Variants in YWHAZ observed in about 807,000 individuals in gnomAD.
YWHAZ encodes the protein tyrosine 3-monooxygenase/tryptophan 5-monooxygenase activation protein zeta, also known as 14-3-3 protein zeta/delta.
For missense variants in YWHAZ, 79 were observed against 284.8 expected, an observed-to-expected ratio of 0.28 and a Z score of 5.20; for synonymous variants, 87 against 103.6, an observed-to-expected ratio of 0.84 and a Z score of 0.97.
chr8:100,924,421 T>C lies in YWHAZ; in HGVS notation c.419-123A>G. On this transcript the variant is annotated intron_variant, in intron 3 of 5. Transcript: ENST00000395958. This position sits in a 1 kb window ranked among gnomAD's most constrained non-coding sequence, Gnocchi z 5.7. ...TAACCTGTAACAGCTTAATATTTGTTAATTGAACAAGGTCCTTTTTTTTTT... is the reference window on the plus strand; with the variant it reads ...TAACCTGTAACAGCTTAATATTTGTCAATTGAACAAGGTCCTTTTTTTTTT... 1 of 1,015,610 alleles carries C rather than the reference T, an allele frequency of 9.8e-7. No individual in the cohort carries two copies. Among genetic ancestry groups the C allele is most frequent in the South Asian group, 1.9e-5 (1 of 52,788 alleles). 62.9% of individuals were successfully genotyped at this position (1,015,610 alleles called of 1,614,324 possible). A position where few individuals can be genotyped will look rare whatever the true frequency, so the allele number is the denominator to read the frequency against.
chr8:100,935,628 T>A (rs1814092316), intron 2 of YWHAZ, among the ~76,000 whole-genome samples: 1 of 152,144 alleles, frequency 6.6e-6, no homozygotes, highest in Non-Finnish European at 1.5e-5. Flanking sequence ...ATGGATAAGC[T>A]CCAGGTTTCT....
At chr8:100,937,698 A>C (rs956157384) in intron 2 of YWHAZ, among the ~76,000 whole-genome samples, 6 of 152,208 alleles carry the variant, frequency 3.9e-5, no homozygotes, top group African/African-American at 1.4e-4. Context: ...ATGAAGAGAG[A>C]GACATTAGGA....
intron 2 of YWHAZ, among the ~76,000 whole-genome samples, chr8:100,929,797 A>G (rs1379706632): frequency 6.6e-6 from 1 of 152,208 alleles, no homozygotes; most frequent in Non-Finnish European, 1.5e-5. Flanking sequence ...ATAAAACCCA[A>G]TGTAGGAAGA....
At chr8:100,930,200 G>A (rs533014165) in intron 2 of YWHAZ, among the ~76,000 whole-genome samples, 1 of 152,362 alleles carries the variant, frequency 6.6e-6, no homozygotes, top group Admixed American at 6.5e-5. Flanking sequence ...CCCGGTTCAA[G>A]TGATTCTTCT....
chr8:100,944,593 T>C (rs1270949513), intron 2 of YWHAZ, among the ~76,000 whole-genome samples: 16 of 152,236 alleles, frequency 1.1e-4, no homozygotes, highest in Admixed American at 1.0e-3. Flanking sequence ...ATTTGATGGT[T>C]GGCATGGACC....
rs1812938816 is a variant in YWHAZ, at chr8:100,920,610, A to G, written c.*83T>C. The G allele has an allele frequency of 1.3e-5, 17 of 1,266,240 alleles. No homozygotes were observed. The highest frequency in any genetic ancestry group is 2.0e-5 in the Non-Finnish European group (17 of 870,086). 78.4% of individuals were successfully genotyped at this position (1,266,240 alleles called of 1,614,324 possible). ...TAAACCTGTCATAAATCGTAAACAA[A>G]AAACTATTTGTGGGACAGCATGGAT... On this transcript the variant is annotated 3_prime_UTR_variant, in exon 6 of 6. Coordinates refer to ENST00000395958, the MANE Select transcript of YWHAZ (RefSeq NM_145690.3).
chr8:100,925,569 A>G (rs961144469), intron 2 of YWHAZ, among the ~76,000 whole-genome samples: 1 of 152,220 alleles, frequency 6.6e-6, no homozygotes, highest in Non-Finnish European at 1.5e-5. Context: ...CTCACAACAG[A>G]TAAAAAAACC....
At chr8:100,953,151 T>C, upstream of YWHAZ, 1 of 985,924 alleles carries the variant, frequency 1.0e-6, no homozygotes, top group Non-Finnish European at 1.2e-6. Flanking sequence ...CCTGGCAGCC[T>C]TGACCCGGAG....
At chr8:100,951,121 C>A in intron 1 of YWHAZ, 2 of 977,668 alleles carry the variant, frequency 2.0e-6, no homozygotes, top group Non-Finnish European at 2.4e-6. Context: ...CAAGTCCTTC[C>A]TCCCACCGCG....
chr8:100,930,303 T>C (rs960050621), intron 2 of YWHAZ, among the ~76,000 whole-genome samples: 7 of 152,196 alleles, frequency 4.6e-5, no homozygotes, highest in Admixed American at 4.6e-4. Flanking sequence ...TTCACTGCAT[T>C]GGCCAGGCTA....
At chr8:100,930,371 A>T (rs1339045460) in intron 2 of YWHAZ, among the ~76,000 whole-genome samples, 1 of 152,234 alleles carries the variant, frequency 6.6e-6, no homozygotes, top group Non-Finnish European at 1.5e-5. Context: ...TGCTGGGATT[A>T]CAGGTGTGAG....
chr8:100,927,369 TAA>T (rs959240029), intron 2 of YWHAZ, among the ~76,000 whole-genome samples: 1 of 152,008 alleles, frequency 6.6e-6, no homozygotes, highest in African/African-American at 2.4e-5. Flanking sequence ...CAAAAAAATT[TAA>T]AAGTTAACCA....
Position 100,919,827 on chromosome 8 carries a change from CCTGTTAA to C in YWHAZ, c.*859_*865del, listed in dbSNP as rs1167557496. 6.7e-6 allele frequency: 1 copy of C among 148,874 alleles called. No homozygotes were observed. The highest frequency in any genetic ancestry group is 1.5e-5 in the Non-Finnish European group (1 of 67,496). 9.2% of individuals were successfully genotyped at this position (148,874 alleles called of 1,614,324 possible). A position where few individuals can be genotyped will look rare whatever the true frequency, so the allele number is the denominator to read the frequency against. ...GCTAGCCATCATCTCAAGTTATTTC[CCTGTTAA>C]CTATTTTTACAGCACATGCATGTTA... is the stretch of plus-strand genomic sequence containing the variant. On this transcript the variant is annotated 3_prime_UTR_variant, in exon 6 of 6. Coordinates refer to ENST00000395958, the MANE Select transcript of YWHAZ (RefSeq NM_145690.3).
intron 2 of YWHAZ, among the ~76,000 whole-genome samples, chr8:100,943,093 A>G (rs1353630507): frequency 1.3e-5 from 2 of 152,258 alleles, no homozygotes; most frequent in African/African-American, 4.8e-5. Flanking sequence ...TGAGTCCAAC[A>G]TGTCGTGTGA....
At chr8:100,927,680 A>G (rs114371497) in intron 2 of YWHAZ, among the ~76,000 whole-genome samples, 1 of 152,194 alleles carries the variant, frequency 6.6e-6, no homozygotes, top group South Asian at 2.1e-4. Context: ...AAAAACTTAA[A>G]TTTTTTTAGG....
chr8:100,950,908 C>CCCGCCCCCAAAGCAGGATAT (rs1810700481), intron 1 of YWHAZ: 1 of 164,102 alleles, frequency 6.1e-6, no homozygotes, highest in Non-Finnish European at 1.3e-5. Flanking sequence ...CTCAGGCTCA[C>CCCGCCCCCAAAGCAGGATAT]CCGCCCCCAA....
At chr8:100,945,489 CTGCT>C in intron 2 of YWHAZ, among the ~76,000 whole-genome samples, 1 of 152,100 alleles carries the variant, frequency 6.6e-6, no homozygotes, top group Middle Eastern at 3.2e-3. Context: ...AAAGGGACAC[CTGCT>C]TATTTTTCTC....
At chr8:100,928,497 T>G (rs1462305244) in intron 2 of YWHAZ, among the ~76,000 whole-genome samples, 2 of 152,128 alleles carry the variant, frequency 1.3e-5, no homozygotes, top group Non-Finnish European at 2.9e-5. Flanking sequence ...TTTGGGAGGC[T>G]GAGGCGGGTG....
chr8:100,928,547 C>A (rs10091218), intron 2 of YWHAZ, among the ~76,000 whole-genome samples: 6,823 of 151,946 alleles, frequency 0.045, 514 homozygotes, highest in African/African-American at 0.16. Flanking sequence ...GCCTGGCCAA[C>A]ACGGTAAAAC....
Sources: allele counts gnomAD v4.1 joint callset (sites outside exome capture counted in the v4.1 genomes callset), GRCh38; gene constraint gnomAD v4.1.1; non-coding constraint Gnocchi (gnomAD v3.1); transcripts MANE v1.5; gene names NCBI Gene and HGNC (gene_info 2026-07-23, HGNC 2026-07-21).